Variants in CFAP299 observed in about 807,000 individuals in gnomAD.
CFAP299 encodes the protein cilia- and flagella-associated protein 299.
A neutral mutation model predicts 27.0 loss-of-function variants in CFAP299; 21 were observed. The observed-to-expected ratio is 0.78, with a 90% CI of 0.55 to 1.12. The LOEUF (loss-of-function observed/expected upper bound fraction) is 1.12, where lower values mean the gene tolerates loss of function less well. CFAP299 is among the 50% of genes most tolerant of loss of function. The probability of loss-of-function intolerance (pLI) is 0.00; values close to 1 mark genes in which losing one functional copy is unlikely to be tolerated. For missense variants in CFAP299, 310 were observed against 276.6 expected (o/e 1.12, Z -0.86); for synonymous variants, 104 against 98.1 (o/e 1.06, Z -0.36).
intron 3 of CFAP299, among the ~76,000 whole-genome samples, chr4:80,751,746 G>A (rs1423765624): frequency 6.6e-6 from 1 of 152,044 alleles, no homozygotes; most frequent in African/African-American, 2.4e-5. Flanking sequence ...CCCACCCACT[G>A]CCCCTGGAAC....
At chr4:80,636,536 C>G (rs1045529691) in intron 3 of CFAP299, among the ~76,000 whole-genome samples, 1 of 152,166 alleles carries the variant, frequency 6.6e-6, no homozygotes, top group Non-Finnish European at 1.5e-5. Flanking sequence ...TCTGCCTAGA[C>G]TAAACTCTTT....
intron 3 of CFAP299, among the ~76,000 whole-genome samples, chr4:80,751,911 CG>C (rs1724951208): frequency 6.6e-6 from 1 of 152,088 alleles, no homozygotes; most frequent in Non-Finnish European, 1.5e-5. Context: ...GGGATATGGA[CG>C]GATGTATTTC....
intron 4 of CFAP299, among the ~76,000 whole-genome samples, chr4:80,904,939 TA>T (rs11309235): frequency 0.11 from 17,389 of 152,184 alleles, 2,164 homozygotes; most frequent in African/African-American, 0.31. Flanking sequence ...AAAAAAATTA[TA>T]ATTTAGAATA....
chr4:80,792,845 G>T (rs1188214972), intron 3 of CFAP299, among the ~76,000 whole-genome samples: 1 of 151,960 alleles, frequency 6.6e-6, no homozygotes, highest in East Asian at 1.9e-4. Context: ...TATATTTTTA[G>T]CTGTAAGACA....
In CFAP299 at chr4:80,848,321, C is replaced by A. The variant is rs563012673; in HGVS notation, c.334-21672C>A. Among the ~76,000 whole-genome samples, 78 of 152,116 alleles carry A rather than the reference C, an allele frequency of 5.1e-4. No individual in the cohort carries two copies. The South Asian group carries it at 0.013, about 26-fold the overall frequency. ...CTAACATAGAAACATAGTTATGCCT[C>A]AGGGATATGTTCTGAGAAATGTGAT... is the stretch of plus-strand genomic sequence containing the variant. On this transcript the variant is annotated intron_variant, in intron 3 of 5. Coordinates refer to ENST00000358105, the MANE Select transcript of CFAP299 (RefSeq NM_152770.3).
chr4:80,387,752 G>T, intron 2 of CFAP299: 2 of 1,588,560 alleles, frequency 1.3e-6, no homozygotes, highest in Non-Finnish European at 1.7e-6. Flanking sequence ...TGCTGCTGCA[G>T]GTCGAAGTTT....
At chr4:80,470,338 T>C (rs1314366552) in intron 2 of CFAP299, among the ~76,000 whole-genome samples, 1 of 152,146 alleles carries the variant, frequency 6.6e-6, no homozygotes, top group Non-Finnish European at 1.5e-5. Flanking sequence ...TATGAATGAA[T>C]TCTCAGTCTA....
intron 3 of CFAP299, among the ~76,000 whole-genome samples, chr4:80,743,867 T>C (rs958958292): frequency 2.0e-5 from 3 of 152,196 alleles, no homozygotes; most frequent in Admixed American, 2.0e-4. Flanking sequence ...TAAAGGTCTT[T>C]TCTGCCTACA....
chr4:80,676,449 A>G (rs1719460564), intron 3 of CFAP299, among the ~76,000 whole-genome samples: 1 of 152,164 alleles, frequency 6.6e-6, no homozygotes. Flanking sequence ...TGGTTTTGAT[A>G]TCAGGATAAT....
chr4:80,799,648 A>C (rs865814767), intron 3 of CFAP299, among the ~76,000 whole-genome samples: 1 of 19,650 alleles, frequency 5.1e-5, no homozygotes, highest in African/African-American at 2.3e-4. Context: ...TAAAATATAT[A>C]TTTTATATAT....
intron 4 of CFAP299, among the ~76,000 whole-genome samples, chr4:80,894,742 C>A (rs946406671): frequency 6.6e-6 from 1 of 151,826 alleles, no homozygotes; most frequent in African/African-American, 2.4e-5. Context: ...CTCCTATGTT[C>A]ATTGCAGAAT....
chr4:80,693,350 T>G (rs1219169498), intron 3 of CFAP299, among the ~76,000 whole-genome samples: 1 of 151,808 alleles, frequency 6.6e-6, no homozygotes, highest in Non-Finnish European at 1.5e-5. Context: ...ATATACACCA[T>G]GGAATACTAT....
intron 3 of CFAP299, among the ~76,000 whole-genome samples, chr4:80,693,682 A>G (rs1439136467): frequency 6.6e-6 from 1 of 151,858 alleles, no homozygotes; most frequent in Non-Finnish European, 1.5e-5. Context: ...CCTAAAACTT[A>G]AAGTATAATA....
intron 1 of CFAP299, among the ~76,000 whole-genome samples, chr4:80,343,773 C>CCTGG (rs1043567661): frequency 1.5e-5 from 2 of 129,746 alleles, no homozygotes; most frequent in Non-Finnish European, 3.1e-5. Context: ...TCCGGTCCGG[C>CCTGG]CTGGGCGACA....
At chr4:80,860,857 G>GGGTCAGC (rs1732294234) in intron 3 of CFAP299, among the ~76,000 whole-genome samples, 1 of 152,182 alleles carries the variant, frequency 6.6e-6, no homozygotes, top group Non-Finnish European at 1.5e-5. Context: ...CAGGGGTCAG[G>GGGTCAGC]GGTCAGGGAC....
At chr4:80,833,856 C>T (rs1459567813) in intron 3 of CFAP299, among the ~76,000 whole-genome samples, 1 of 152,172 alleles carries the variant, frequency 6.6e-6, no homozygotes, top group Non-Finnish European at 1.5e-5. Context: ...CACAAGACAA[C>T]TTCATCTCAA....
chr4:80,907,043 C>G (rs1234958914), intron 4 of CFAP299, among the ~76,000 whole-genome samples: 2 of 152,168 alleles, frequency 1.3e-5, no homozygotes, highest in Non-Finnish European at 2.9e-5. Flanking sequence ...GCTCTGCTTC[C>G]TCTTGAACAC....
chr4:80,852,253 G>T (rs1057127577), intron 3 of CFAP299, among the ~76,000 whole-genome samples: 1 of 152,074 alleles, frequency 6.6e-6, no homozygotes, highest in Non-Finnish European at 1.5e-5. Flanking sequence ...CAGAATCAGC[G>T]TCATCTGAGA....
At chr4:80,743,773 T>C (rs1724424238) in intron 3 of CFAP299, among the ~76,000 whole-genome samples, 1 of 152,196 alleles carries the variant, frequency 6.6e-6, no homozygotes, top group South Asian at 2.1e-4. Flanking sequence ...CCATGGCACA[T>C]GTATACCTGT....
Sources: allele counts gnomAD v4.1 joint callset (sites outside exome capture counted in the v4.1 genomes callset), GRCh38; gene constraint gnomAD v4.1.1; transcripts MANE v1.5; gene names NCBI Gene and HGNC (gene_info 2026-07-23, HGNC 2026-07-21).